Variants in HHAT observed in about 807,000 individuals in gnomAD.
HHAT encodes hedgehog acyltransferase, also known as protein-cysteine N-palmitoyltransferase HHAT.
Under a neutral mutation model 70.8 loss-of-function variants are expected in HHAT, and 47 were observed. That is an observed-to-expected ratio of 0.66 (90% CI 0.53 to 0.85). The LOEUF (loss-of-function observed/expected upper bound fraction) is 0.85. Ranked by LOEUF, HHAT falls within the 40% of genes least tolerant of loss-of-function variation. The pLI is 0.00. For missense variants in HHAT, 609 were observed against 604.8 expected (o/e 1.01, Z -0.07); for synonymous variants, 228 against 247.6 (o/e 0.92, Z 0.74).
chr1:210,490,773 A>G (rs1454923947), intron 8 of HHAT, among the ~76,000 whole-genome samples: 1 of 152,192 alleles, frequency 6.6e-6, no homozygotes, highest in Non-Finnish European at 1.5e-5. Flanking sequence ...TGTCAAATGT[A>G]AACTCACTAA....
chr1:210,636,764 A>G (rs1671939504), intron 11 of HHAT, among the ~76,000 whole-genome samples: 1 of 152,048 alleles, frequency 6.6e-6, no homozygotes, highest in African/African-American at 2.4e-5. Context: ...CAAACATCCC[A>G]ATTGAAACAT....
chr1:210,512,773 ATAT>A (rs1428822192), intron 8 of HHAT, among the ~76,000 whole-genome samples: 1 of 151,882 alleles, frequency 6.6e-6, no homozygotes, highest in African/African-American at 2.4e-5. Context: ...ACGGACTCAT[ATAT>A]TGGAAAAGTG....
intron 11 of HHAT, among the ~76,000 whole-genome samples, chr1:210,627,522 A>C (rs923146229): frequency 1.3e-5 from 2 of 152,104 alleles, no homozygotes; most frequent in Admixed American, 6.5e-5. Context: ...CTGTAAAACC[A>C]GACCCTTCCC....
intron 8 of HHAT, among the ~76,000 whole-genome samples, chr1:210,484,494 CTTT>C (rs11295259): frequency 3.4e-5 from 5 of 145,698 alleles, no homozygotes; most frequent in African/African-American, 5.0e-5. Context: ...ACCATAGCTA[CTTT>C]TTTTTTTTTT....
intron 9 of HHAT, among the ~76,000 whole-genome samples, chr1:210,542,004 A>C (rs2095435419): frequency 6.6e-6 from 1 of 152,250 alleles, no homozygotes; most frequent in South Asian, 2.1e-4. Flanking sequence ...ATGGGGGATA[A>C]CTGGCCAGTT....
intron 9 of HHAT, among the ~76,000 whole-genome samples, chr1:210,515,806 G>A (rs1391938149): frequency 2.0e-5 from 3 of 149,574 alleles, no homozygotes; most frequent in Admixed American, 6.7e-5. Context: ...AGTGGCTCAT[G>A]CCTGTAATCC....
intron 1 of HHAT, among the ~76,000 whole-genome samples, chr1:210,332,571 A>G (rs915619630): frequency 5.9e-5 from 9 of 152,266 alleles, no homozygotes; most frequent in Admixed American, 5.9e-4. Flanking sequence ...ACTAAGAATG[A>G]TACTCTCATT....
chr1:210,596,559 A>C (rs530998299), intron 10 of HHAT, among the ~76,000 whole-genome samples: 1 of 151,898 alleles, frequency 6.6e-6, no homozygotes, highest in Non-Finnish European at 1.5e-5. Context: ...CTCATCTTCA[A>C]GTGTGCTAAT....
chr1:210,385,657 G>A (rs766270714), intron 3 of HHAT, among the ~76,000 whole-genome samples: 15 of 152,268 alleles, frequency 9.9e-5, no homozygotes, highest in South Asian at 2.1e-4. Flanking sequence ...CTGAGAATGC[G>A]CAGTATTGTA....
At position 210,587,733 on chromosome 1, in the gene HHAT, G is replaced by A. The variant is rs77135790; in HGVS notation, c.1044-165G>A. Among the ~76,000 whole-genome samples the A allele has an allele frequency of 8.6e-3, 1,302 of 152,274 alleles. 18 individuals carry two copies. The highest frequency in any genetic ancestry group is 0.026 in the African/African-American group (1,074 of 41,566). On this transcript the variant is annotated intron_variant, in intron 9 of 11. Coordinates refer to ENST00000261458, the MANE Select transcript of HHAT (RefSeq NM_018194.6). Reference sequence around the variant, plus strand: ...CTGCAGAGCTAAGGCTTGGGTTTTCGCCAACTCCTTGTGGGATGGAGAATC... The same window carrying A: ...CTGCAGAGCTAAGGCTTGGGTTTTCACCAACTCCTTGTGGGATGGAGAATC...
chr1:210,509,752 A>G (rs12408525), intron 8 of HHAT, among the ~76,000 whole-genome samples: 2,612 of 152,254 alleles, frequency 0.017, 30 homozygotes, highest in Non-Finnish European at 0.024. Context: ...TTTACTCTCC[A>G]CTAACCTCGC....
At chr1:210,390,533 G>A (rs904694572) in intron 4 of HHAT, among the ~76,000 whole-genome samples, 2 of 152,086 alleles carry the variant, frequency 1.3e-5, no homozygotes, top group African/African-American at 4.8e-5. Context: ...AGTTTTCGGG[G>A]TACAGGTGGT....
chr1:210,604,572 T>C (rs1053466367), intron 10 of HHAT, among the ~76,000 whole-genome samples: 4 of 152,332 alleles, frequency 2.6e-5, no homozygotes, highest in Non-Finnish European at 5.9e-5. Flanking sequence ...TTGTGATACA[T>C]AGTCTCTTAT....
At chr1:210,468,005 A>G (rs1387892673) in intron 8 of HHAT, among the ~76,000 whole-genome samples, 3 of 152,190 alleles carry the variant, frequency 2.0e-5, no homozygotes, top group Non-Finnish European at 4.4e-5. Context: ...GCAATTCACC[A>G]AGAAGGCCCA....
intron 6 of HHAT, among the ~76,000 whole-genome samples, chr1:210,405,302 C>G (rs765906597): frequency 1.5e-4 from 23 of 152,100 alleles, no homozygotes; most frequent in South Asian, 4.2e-4. Context: ...GTTGTTCCCC[C>G]CTACTTCACT....
chr1:210,457,715 T>C (rs931620950), intron 7 of HHAT, among the ~76,000 whole-genome samples: 4 of 152,224 alleles, frequency 2.6e-5, no homozygotes, highest in African/African-American at 9.7e-5. Flanking sequence ...TGAATTTTCA[T>C]GAGGCAGTTG....
intron 8 of HHAT, among the ~76,000 whole-genome samples, chr1:210,506,102 C>G (rs1223970004): frequency 6.6e-6 from 1 of 152,184 alleles, no homozygotes; most frequent in African/African-American, 2.4e-5. Flanking sequence ...ATACAAACCT[C>G]TGTGCTCTGT....
rs3036585 is a variant in HHAT at position 210,360,846 on chromosome 1, CTTTT to C, written c.92-1990_92-1987del. 1.6e-3 allele frequency among the ~76,000 whole-genome samples: 204 copies of C among 124,284 alleles called. 2 individuals carry two copies. The highest frequency in any genetic ancestry group is 2.6e-3 in the Non-Finnish European group (165 of 62,268). The allele number at this position is 124,284 out of a possible 152,430, so 81.5% of individuals were successfully genotyped here. On this transcript the variant is annotated intron_variant, in intron 2 of 11. Transcript: ENST00000261458. ...ATATTGGAATAAATAATTAACTTCA[CTTTT>C]TTTTTTTTTTTTTTTAACTTTGTGG...
At chr1:210,559,000 G>A (rs1195382169) in intron 9 of HHAT, among the ~76,000 whole-genome samples, 1 of 152,136 alleles carries the variant, frequency 6.6e-6, no homozygotes, top group Non-Finnish European at 1.5e-5. Context: ...GGAATTAGAT[G>A]GTATCTAACT....
Sources: gnomAD v4.1 joint callset for allele counts (sites outside exome capture counted in the v4.1 genomes callset) on GRCh38, gnomAD v4.1.1 for gene constraint, MANE v1.5 for transcripts, NCBI Gene and HGNC (gene_info 2026-07-23, HGNC 2026-07-21) for gene names.